Variants in KLHL38 observed in about 807,000 individuals in gnomAD.
KLHL38 encodes kelch like family member 38, also known as kelch-like protein 38.
Under a neutral mutation model 39.6 loss-of-function variants are expected in KLHL38, and 38 were observed. The ratio of observed to expected loss-of-function variants is 0.96; its 90% CI spans 0.74 to 1.26. KLHL38 has a LOEUF of 1.26. Among genes scored for constraint, KLHL38 ranks in the 50% most tolerant of loss-of-function variants. The pLI, the probability that KLHL38 is intolerant of heterozygous loss-of-function variation, is 0.00. For synonymous variants in KLHL38, 322 were observed against 302.2 expected (o/e 1.07, Z -0.68); for missense variants, 803 against 748.1 (o/e 1.07, Z -0.86).
rs112968111 is a variant in KLHL38 at position 123,645,055 on chromosome 8, A to AGAGGGG, written c.*683_*684insCCCCTC. The stretch of plus-strand genomic sequence containing the variant: ...GAGACTGAGAGAGAGAGAGAGAGAG[A>AGAGGGG]GGGGCAGAGAGAGGCAGAGAGACAG... On this transcript the variant is annotated 3_prime_UTR_variant, in exon 4 of 4. Coordinates refer to ENST00000684634, the MANE Select transcript of KLHL38 (RefSeq NM_001081675.3). 6.7e-5 allele frequency among the ~76,000 whole-genome samples: 10 copies of AGAGGGG among 149,664 alleles called. No individual in the cohort carries two copies. Among genetic ancestry groups the AGAGGGG allele is most frequent in the South Asian group, 6.5e-4 (3 of 4,646 alleles).
chr8:123,652,959 G>C (rs527925140), intron 1 of KLHL38, 32 bp from the exon 2 acceptor site: 1 of 1,555,354 alleles, frequency 6.4e-7, no homozygotes. Context: ...CCCAGAGTCA[G>C]CAAGAGTCAA....
chr8:123,646,757 A>G, intron 3 of KLHL38, 152 bp downstream of exon 3: 1 of 558,558 alleles, frequency 1.8e-6, no homozygotes, highest in Non-Finnish European at 3.2e-6. Context: ...GGATGAGGAG[A>G]GAGTTTTGTC....
Position 123,646,951 on chromosome 8 carries a change from C to A in KLHL38, c.1414G>T (p.Ala472Ser). The A allele has an allele frequency of 6.2e-7, 1 of 1,613,832 alleles. No individual in the cohort carries two copies. The highest frequency in any genetic ancestry group is 1.1e-5 in the South Asian group (1 of 91,034). ...CGCTCCCCAAGCACCACTGCAGGGG[C>A]ACACACGTTCTTGATCATTCTTGTC... ...METRMIKNVC[A>S]PAVVLGERIV... Residue 472 changes from alanine to serine, a missense_variant, in exon 3 of 4, where the codon GCC (alanine) becomes TCC (serine). Ala to Ser is a moderately conservative substitution (Grantham distance 99). Coordinates refer to ENST00000684634, the MANE Select transcript of KLHL38 (RefSeq NM_001081675.3).
At chr8:123,646,768 A>G (rs1025903901) in intron 3 of KLHL38, 141 bp downstream of exon 3, 22 of 577,738 alleles carry the variant, frequency 3.8e-5, no homozygotes, top group Non-Finnish European at 6.7e-5. Flanking sequence ...GAGTTTTGTC[A>G]GATTCTCCAC....
Position 123,652,678 on chromosome 8 carries a change from T to TGG in KLHL38, c.247_248dup (p.Thr84GlnfsTer25), listed in dbSNP as rs769840176. The TGG allele has an allele frequency of 3.7e-6, 6 of 1,614,000 alleles. No individual in the cohort carries two copies. The African/African-American group carries it at 8.0e-5, about 22-fold the overall frequency. Reference sequence around the variant, plus strand: ...CGTAGGAGACGATCTGGTCCAGGGTTGGGGGGTCAATGCCTTTCAGCTGCA... The same window carrying TGG: ...CGTAGGAGACGATCTGGTCCAGGGTTGGGGGGGGTCAATGCCTTTCAGCTGCA... On this transcript the variant is annotated frameshift_variant, in exon 2 of 4. Transcript: ENST00000684634. LOFTEE classifies it high-confidence loss of function.
rs1554587883 is a variant in KLHL38, at chr8:123,645,479, GAC to G, written c.*258_*259del. The G allele has an allele frequency of 9.8e-4, 494 of 506,244 alleles. 1 individual carries two copies. The African/African-American group carries it at 9.8e-3, about 10-fold the overall frequency. 31.4% of individuals were successfully genotyped at this position (506,244 alleles called of 1,614,324 possible). ...AGAGAGAGAGAGAGAGAGAGAGAGA[GAC>G]AGACAGAGATAGGGGAGAGAAAGAA... On this transcript the variant is annotated 3_prime_UTR_variant, in exon 4 of 4. Coordinates refer to ENST00000684634, the MANE Select transcript of KLHL38 (RefSeq NM_001081675.3).
Position 123,653,244 on chromosome 8 carries a change from G to A in KLHL38, c.-1-317C>T, listed in dbSNP as rs146031272. Among the ~76,000 whole-genome samples, 620 of 152,346 alleles carry A rather than the reference G, an allele frequency of 4.1e-3. 1 individual carries two copies. The highest frequency in any genetic ancestry group is 0.017 in the Middle Eastern group (5 of 294). On this transcript the variant is annotated intron_variant, in intron 1 of 3. Transcript: ENST00000684634. ...TTACTCTGTTATCAGAAGCTGAAAT[G>A]TTAGTCTGAAGCAAGATAACAGTCC... is the stretch of plus-strand genomic sequence containing the variant.
At chr8:123,651,522 G>T in intron 2 of KLHL38, 55 bp downstream of exon 2, 1 of 1,503,300 alleles carries the variant, frequency 6.7e-7, no homozygotes. Context: ...AGGTGTGGGT[G>T]TGTCCAAGCA....
chr8:123,644,627 C>G lies in KLHL38; in HGVS notation c.*1112G>C, dbSNP rs1055832118. ...CAGTTCCAGGAATCCTCTGGGTTCT[C>G]TCAGCCCTCTTGTTCCAGATTTCAG... On this transcript the variant is annotated 3_prime_UTR_variant, in exon 4 of 4. Transcript: ENST00000684634. Among the ~76,000 whole-genome samples the G allele has an allele frequency of 6.6e-6, 1 of 152,206 alleles. No individual in the cohort carries two copies. Among genetic ancestry groups the G allele is most frequent in the African/African-American group, 2.4e-5 (1 of 41,458 alleles).
At position 123,645,533 on chromosome 8, in the gene KLHL38, G is replaced by A; in HGVS notation, c.*206C>T. The A allele has an allele frequency of 1.7e-6, 1 of 589,432 alleles. No individual in the cohort carries two copies. The highest frequency in any genetic ancestry group is 2.2e-5 in the South Asian group (1 of 45,638). The allele number at this position is 589,432 out of a possible 1,614,324, so 36.5% of individuals were successfully genotyped here. On this transcript the variant is annotated 3_prime_UTR_variant, in exon 4 of 4. Coordinates refer to ENST00000684634, the MANE Select transcript of KLHL38 (RefSeq NM_001081675.3). ...GAAGGGGGAAAGACAGAGACAGATG[G>A]AGGTGGGGGAGAGAGATAAGGAGAG...
intron 2 of KLHL38, among the ~76,000 whole-genome samples, chr8:123,649,389 G>T (rs973143986): frequency 6.6e-6 from 1 of 151,960 alleles, no homozygotes; most frequent in Non-Finnish European, 1.5e-5. Flanking sequence ...GAAAATAATG[G>T]CTGGAGAAGT....
chr8:123,651,514 G>T (rs1249939665), intron 2 of KLHL38, 63 bp downstream of exon 2: 5 of 1,486,316 alleles, frequency 3.4e-6, no homozygotes, highest in Non-Finnish European at 4.5e-6. Context: ...GTGCAAGCAG[G>T]TGTGGGTGTG....
At position 123,652,877 on chromosome 8, in the gene KLHL38, G is replaced by A. The variant is rs779689357; in HGVS notation, c.50C>T (p.Ser17Phe). The change falls in exon 2 of 4, where the codon TCT becomes TTT. Residue 17 changes from serine (S) to phenylalanine (F), a missense_variant. Coordinates refer to ENST00000684634, the MANE Select transcript of KLHL38 (RefSeq NM_001081675.3). ...GTTGAGCTGCCTCAACAAGTCAGAA[G>A]AGAAGTCGTGGTCTTTGAAGAGCAG... ...DGLLFKDHDF[S>F]SDLLRQLNSL... is the part of the protein sequence containing the mutation. The A allele has an allele frequency of 3.1e-6, 5 of 1,604,146 alleles. No homozygotes were observed. In the South Asian group the frequency reaches 5.5e-5, roughly 18 times the overall value.
In KLHL38 at chr8:123,652,254, G is replaced by A. The variant is rs778497066; in HGVS notation, c.673C>T (p.Gln225Ter). The A allele has an allele frequency of 5.0e-6, 8 of 1,614,114 alleles. No individual in the cohort carries two copies. In the Admixed American group the frequency reaches 5.0e-5, roughly 10 times the overall value. The change falls in exon 2 of 4, where the codon CAG becomes TAG. Residue 225 changes from glutamine to a stop codon, truncating the protein, a stop_gained. Coordinates refer to ENST00000684634, the MANE Select transcript of KLHL38 (RefSeq NM_001081675.3). LOFTEE classifies it high-confidence loss of function. ...TGAAAGAAGGCTGGGTGGATGTACT[G>A]CAGCCTGACCTGCTTGAACAGTTCC... ...MQELFKQVRL[Q>*]YIHPAFFHHF...
In KLHL38 at chr8:123,651,767, G is replaced by C. The variant is rs1453726976; in HGVS notation, c.1160C>G (p.Ser387Cys). 6.2e-7 allele frequency: 1 copy of C among 1,614,150 alleles called. No homozygotes were observed. Among genetic ancestry groups the C allele is most frequent in the African/African-American group, 1.3e-5 (1 of 75,060 alleles). The change falls in exon 2 of 4, where the codon TCC becomes TGC. Residue 387 changes from serine (S) to cysteine (C), a missense_variant. Ser to Cys is a moderately radical substitution (Grantham distance 112). Coordinates refer to ENST00000684634, the MANE Select transcript of KLHL38 (RefSeq NM_001081675.3). ...RSTAHKNFIF[S>C]IGGIGEGQEL... The stretch of plus-strand genomic sequence containing the variant: ...CTGCCCTTCTCCAATCCCCCCGATG[G>C]AGAAGATGAAGTTCTTATGGGCAGT...
Position 123,646,007 on chromosome 8 carries a change from G to A in KLHL38, c.1478C>T (p.Ala493Val). 1.2e-6 allele frequency: 2 copies of A among 1,614,140 alleles called. No homozygotes were observed. The highest frequency in any genetic ancestry group is 1.3e-5 in the African/African-American group (1 of 75,034). The part of the protein sequence containing the change: ...IVGGYTRRIL[A>V]YDPQSNKFVK... ...AAATTTGTTGGATTGAGGGTCATAA[G>A]CAAGAATCCTCCTTGTGTAACCTGA... The change falls in exon 4 of 4, where the codon GCT becomes GTT. Residue 493 changes from alanine to valine, a missense_variant. Transcript: ENST00000684634.
rs1818673485 is a variant in KLHL38, at chr8:123,646,917, A to G, written c.1448T>C (p.Ile483Thr). ...CCTCTGTTCAGACTCACCTCCCACA[A>G]TGACAATCCGCTCCCCAAGCACCAC... ...PAVVLGERIV[I>T]VGGYTRRILA... Residue 483 changes from isoleucine to threonine, a missense_variant, in exon 3 of 4, where the codon ATT becomes ACT. Physicochemically the swap from Ile to Thr is moderately conservative, Grantham distance 89 (BLOSUM62 -1). Coordinates refer to ENST00000684634, the MANE Select transcript of KLHL38 (RefSeq NM_001081675.3). 6.2e-7 allele frequency: 1 copy of G among 1,611,302 alleles called. No homozygotes were observed. Among genetic ancestry groups the G allele is most frequent in the Admixed American group, 1.7e-5 (1 of 59,554 alleles).
At chr8:123,650,179 CCCTGGCA>C in intron 2 of KLHL38, among the ~76,000 whole-genome samples, 1 of 150,372 alleles carries the variant, frequency 6.7e-6, no homozygotes, top group Admixed American at 6.7e-5. Context: ...ATTCCCTTAA[CCCTGGCA>C]CTCTCTCTGA....
In KLHL38 at chr8:123,652,893, T is replaced by G; in HGVS notation, c.34A>C (p.Lys12Gln). 1.9e-6 allele frequency: 3 copies of G among 1,600,906 alleles called. No individual in the cohort carries two copies. The highest frequency in any genetic ancestry group is 2.5e-6 in the Non-Finnish European group (3 of 1,179,580). ...DEESLDGLLFKDHDFSSDLLR... is the reference protein window; with the variant it reads ...DEESLDGLLFQDHDFSSDLLR... ...AAGTCAGAAGAGAAGTCGTGGTCTT[T>G]GAAGAGCAGCCCATCTAGTGACTCC... The change falls in exon 2 of 4, where the codon AAA becomes CAA. Residue 12 changes from lysine (K) to glutamine (Q), a missense_variant. Lys to Gln is a moderately conservative substitution (Grantham distance 53, BLOSUM62 1). Transcript: ENST00000684634.
Sources: gnomAD v4.1 joint callset for allele counts (sites outside exome capture counted in the v4.1 genomes callset) on GRCh38, gnomAD v4.1.1 for gene constraint, MANE v1.5 for transcripts, NCBI Gene and HGNC (gene_info 2026-07-23, HGNC 2026-07-21) for gene names.